PLEKHS1: variants seen among roughly 807,000 people sequenced by gnomAD.
PLEKHS1 encodes pleckstrin homology domain containing S1.
PLEKHS1 carries 55 observed loss-of-function variants against 51.0 expected under a neutral mutation model. The ratio of observed to expected loss-of-function variants is 1.08; its 90% confidence interval spans 0.87 to 1.35. The LOEUF (loss-of-function observed/expected upper bound fraction) is 1.35, where lower values mean the gene tolerates loss of function less well. Among genes scored for constraint, PLEKHS1 ranks in the 40% most tolerant of loss-of-function variants. The probability of loss-of-function intolerance (pLI) is 0.00; values close to 1 mark genes in which losing one functional copy is unlikely to be tolerated. For missense variants in PLEKHS1, 398 were observed against 423.0 expected (o/e 0.94, Z 0.52); for synonymous variants, 153 against 144.8 (o/e 1.06, Z -0.41).
chr10:113,752,682 GCTAA>G (rs1442019898), intron 1 of PLEKHS1, among the ~76,000 whole-genome samples: 2 of 152,130 alleles, frequency 1.3e-5, no homozygotes, highest in African/African-American at 4.8e-5. Context: ...AGATGCCAGA[GCTAA>G]CACTCTAAAC....
At chr10:113,753,854 A>AG (rs1564813662) in intron 1 of PLEKHS1, among the ~76,000 whole-genome samples, 1 of 152,136 alleles carries the variant, frequency 6.6e-6, no homozygotes, top group Non-Finnish European at 1.5e-5. Flanking sequence ...TCTATCACGC[A>AG]GGCTGGAGTG....
chr10:113,762,495 C>T (rs1392754946), intron 2 of PLEKHS1, among the ~76,000 whole-genome samples: 1 of 150,514 alleles, frequency 6.6e-6, no homozygotes, highest in Non-Finnish European at 1.5e-5. Context: ...AAATTTTTCC[C>T]TAAGTACTGC....
At chr10:113,760,070 C>G (rs1048572068) in intron 2 of PLEKHS1, among the ~76,000 whole-genome samples, 1 of 152,186 alleles carries the variant, frequency 6.6e-6, no homozygotes, top group Non-Finnish European at 1.5e-5. Context: ...CTTTCTATCC[C>G]TATATGTTAG....
At chr10:113,769,740 C>T (rs375117740) in intron 6 of PLEKHS1, 44 bp from the exon 7 acceptor site, 3 of 1,264,788 alleles carry the variant, frequency 2.4e-6, no homozygotes, top group Non-Finnish European at 3.5e-6. Context: ...TCATTCCAGA[C>T]AGAGATCAAC....
chr10:113,780,679 C>T, exon 12 of PLEKHS1: 1 of 1,613,622 alleles, frequency 6.2e-7, no homozygotes, highest in Non-Finnish European at 8.5e-7. Flanking sequence ...CCTCAAAATG[C>T]CAAAGTGCTG....
At chr10:113,782,987 A>G (rs1844900331), downstream of PLEKHS1, 1 of 152,112 alleles carries the variant, frequency 6.6e-6, no homozygotes, top group Non-Finnish European at 1.5e-5. Flanking sequence ...TATAATTCCA[A>G]CCCTTTGGGA....
At chr10:113,775,094 CT>C (rs941663074) in intron 10 of PLEKHS1, 59 bp downstream of exon 10, 17,792 of 1,151,474 alleles carry the variant, frequency 0.015, 23 homozygotes, top group African/African-American at 0.027. Context: ...CTCCCTCCCA[CT>C]TTTTTTTTTA....
chr10:113,754,219 G>C (rs752501043), intron 1 of PLEKHS1, among the ~76,000 whole-genome samples: 7 of 152,192 alleles, frequency 4.6e-5, no homozygotes, highest in Non-Finnish European at 1.0e-4. Flanking sequence ...GTTGAAGAAA[G>C]GGAGAGGTCA....
intron 2 of PLEKHS1, among the ~76,000 whole-genome samples, chr10:113,757,235 C>T (rs1854164275): frequency 6.6e-6 from 1 of 152,074 alleles, no homozygotes; most frequent in Non-Finnish European, 1.5e-5. Context: ...TTTTTAATAG[C>T]TTTATTGTAG....
At chr10:113,751,877 T>C (rs2134449146) in intron 1 of PLEKHS1, 116 bp downstream of exon 1, 1 of 152,272 alleles carries the variant, frequency 6.6e-6, no homozygotes, top group South Asian at 2.1e-4. Flanking sequence ...ATATGCTGTA[T>C]TTCTGTTATG....
At chr10:113,774,686 C>A in intron 9 of PLEKHS1, 140 bp from the exon 10 acceptor site, 1 of 718,006 alleles carries the variant, frequency 1.4e-6, no homozygotes. Context: ...CTAGCTGTGG[C>A]TGTGATTCTG....
chr10:113,778,688 G>C (rs1844774005), intron 11 of PLEKHS1, among the ~76,000 whole-genome samples: 3 of 131,226 alleles, frequency 2.3e-5, no homozygotes, highest in Non-Finnish European at 4.7e-5. Context: ...CTTTCGCCCA[G>C]GCTGGAGTGC....
intron 11 of PLEKHS1, chr10:113,777,687 T>C: frequency 2.0e-6 from 3 of 1,528,442 alleles, no homozygotes; most frequent in Non-Finnish European, 2.6e-6. Context: ...ACATATTAGG[T>C]GCTCAATAAA....
chr10:113,768,637 C>T (rs1188042018), intron 5 of PLEKHS1, among the ~76,000 whole-genome samples, 178 bp from the exon 6 acceptor site: 3 of 152,198 alleles, frequency 2.0e-5, no homozygotes, highest in Non-Finnish European at 4.4e-5. Flanking sequence ...GGTGGCTGAG[C>T]ATTAATTCTA....
intron 2 of PLEKHS1, among the ~76,000 whole-genome samples, chr10:113,762,107 T>C (rs1843956116): frequency 6.6e-6 from 1 of 151,994 alleles, no homozygotes; most frequent in African/African-American, 2.4e-5. Context: ...TAAAGTTGTC[T>C]ATAATATTTC....
intron 2 of PLEKHS1, among the ~76,000 whole-genome samples, chr10:113,761,035 G>T (rs192313013): frequency 6.6e-6 from 1 of 152,230 alleles, no homozygotes; most frequent in Non-Finnish European, 1.5e-5. Flanking sequence ...TACTCAGTTG[G>T]CCCAGCACCA....
At chr10:113,759,340 T>G (rs1843813184) in intron 2 of PLEKHS1, among the ~76,000 whole-genome samples, 2 of 152,116 alleles carry the variant, frequency 1.3e-5, no homozygotes, top group Non-Finnish European at 2.9e-5. Flanking sequence ...GAGGCAGAGG[T>G]TGCAGTGAGC....
At chr10:113,761,714 A>G (rs989790646) in intron 2 of PLEKHS1, among the ~76,000 whole-genome samples, 4 of 152,094 alleles carry the variant, frequency 2.6e-5, no homozygotes, top group African/African-American at 9.7e-5. Context: ...GCAAATAGAA[A>G]TGATTTTATT....
intron 5 of PLEKHS1, among the ~76,000 whole-genome samples, chr10:113,767,766 T>A (rs748765226): frequency 3.3e-5 from 5 of 152,120 alleles, no homozygotes; most frequent in Non-Finnish European, 2.9e-5. Flanking sequence ...GGTAGAGCCA[T>A]GCTCTCTCTG....
Sources: gnomAD v4.1 joint callset for allele counts (sites outside exome capture counted in the v4.1 genomes callset) on GRCh38, gnomAD v4.1.1 for gene constraint, MANE v1.5 for transcripts, NCBI Gene and HGNC (gene_info 2026-07-23, HGNC 2026-07-21) for gene names.